Variants in ARID1B observed in about 807,000 individuals in gnomAD.
ARID1B encodes the protein AT-rich interaction domain 1B.
ARID1B carries 30 observed loss-of-function variants against 212.3 expected under a neutral mutation model. The ratio of observed to expected loss-of-function variants is 0.14; its 90% confidence interval spans 0.11 to 0.19. The LOEUF is 0.19. Ranked by LOEUF, ARID1B falls within the 10% of genes least tolerant of loss-of-function variation. The pLI, the probability that ARID1B is intolerant of heterozygous loss-of-function variation, is 1.00. For missense variants in ARID1B, 2,891 were observed against 3,204.0 expected (o/e 0.90, Z 2.36); for synonymous variants, 1,402 against 1,301.7 (o/e 1.08, Z -1.66).
chr6:157,127,803 A>C (rs886620230), intron 6 of ARID1B, among the ~76,000 whole-genome samples: 1 of 138,974 alleles, frequency 7.2e-6, no homozygotes, highest in Non-Finnish European at 1.5e-5. Flanking sequence ...AAAAAAAAAA[A>C]AAACAAAAAT....
At chr6:156,812,041 T>G (rs1781587337) in intron 1 of ARID1B, among the ~76,000 whole-genome samples, 1 of 152,268 alleles carries the variant, frequency 6.6e-6, no homozygotes, top group Admixed American at 6.5e-5. Context: ...TTGTGCTGTG[T>G]GTAAATCACC....
intron 1 of ARID1B, among the ~76,000 whole-genome samples, chr6:156,794,192 T>G (rs1265547820): frequency 6.6e-6 from 1 of 151,130 alleles, no homozygotes; most frequent in Non-Finnish European, 1.5e-5. Flanking sequence ...TGGTAACATT[T>G]AAAAAAAAAG....
At chr6:156,910,905 C>G (rs531823922) in intron 3 of ARID1B, among the ~76,000 whole-genome samples, 1 of 151,952 alleles carries the variant, frequency 6.6e-6, no homozygotes, top group Non-Finnish European at 1.5e-5. Context: ...ATGAGCTCTC[C>G]CCACACAAAA....
At chr6:156,793,263 A>G (rs1180817563) in intron 1 of ARID1B, among the ~76,000 whole-genome samples, 2 of 152,204 alleles carry the variant, frequency 1.3e-5, no homozygotes, top group African/African-American at 2.4e-5. Context: ...TGGTGCACAC[A>G]GTGAAGGAGA....
chr6:156,881,976 A>G (rs1291961074), intron 2 of ARID1B, among the ~76,000 whole-genome samples: 2 of 151,994 alleles, frequency 1.3e-5, no homozygotes, highest in African/African-American at 4.8e-5. Context: ...AAAATGTACT[A>G]ATTTATTTCA....
intron 7 of ARID1B, among the ~76,000 whole-genome samples, chr6:157,142,710 AC>A (rs1166173719): frequency 1.3e-5 from 2 of 152,260 alleles, no homozygotes; most frequent in Non-Finnish European, 2.9e-5. Flanking sequence ...ATCACTGGCT[AC>A]AAAACAAGAT....
At position 157,084,691 on chromosome 6, in the gene ARID1B, C is replaced by G. The variant is rs756195424; in HGVS notation, c.2277C>G (p.Pro759=). ...PDLSGSIDDL[P]TGTEATLSSA... is the part of the protein sequence containing the mutation. ...TGTCTGGCTCCATTGATGACCTCCC[C>G]ACGGGAACGGAAGCAACTTTGAGCT... Residue 759 remains proline (P), a synonymous_variant, in exon 5 of 20, where the codon CCC becomes CCG. Coordinates refer to ENST00000636930, the MANE Select transcript of ARID1B (RefSeq NM_001374828.1). 3 of 1,614,170 alleles carry G rather than the reference C, an allele frequency of 1.9e-6. No individual in the cohort carries two copies. The highest frequency in any genetic ancestry group is 2.5e-6 in the Non-Finnish European group (3 of 1,180,032).
At chr6:156,872,024 C>A (rs1288041448) in intron 2 of ARID1B, among the ~76,000 whole-genome samples, 1 of 152,148 alleles carries the variant, frequency 6.6e-6, no homozygotes, top group African/African-American at 2.4e-5. Context: ...TGAATATGTG[C>A]ATATATGATA....
intron 4 of ARID1B, among the ~76,000 whole-genome samples, chr6:157,028,964 T>A (rs1222694299): frequency 6.6e-6 from 1 of 152,252 alleles, no homozygotes; most frequent in Non-Finnish European, 1.5e-5. Context: ...TTATAAAATA[T>A]TTACTGTAGT....
At chr6:156,922,613 A>T (rs1790901355) in intron 3 of ARID1B, among the ~76,000 whole-genome samples, 1 of 152,206 alleles carries the variant, frequency 6.6e-6, no homozygotes, top group Admixed American at 6.5e-5. Flanking sequence ...ACAATGTTGA[A>T]TGTGGTTATT....
intron 4 of ARID1B, among the ~76,000 whole-genome samples, chr6:157,054,950 C>A (rs1782853177): frequency 1.3e-5 from 2 of 152,210 alleles, no homozygotes; most frequent in South Asian, 4.1e-4. Context: ...GATACATCAC[C>A]TGGTTCCATT....
chr6:157,187,915 G>A (rs1469620696), intron 13 of ARID1B, among the ~76,000 whole-genome samples: 3 of 151,950 alleles, frequency 2.0e-5, no homozygotes, highest in Non-Finnish European at 2.9e-5. Flanking sequence ...CCTGAATTTC[G>A]AAAGCAAGTC....
intron 5 of ARID1B, among the ~76,000 whole-genome samples, chr6:157,087,523 A>G (rs1353294069): frequency 1.3e-5 from 2 of 152,232 alleles, no homozygotes; most frequent in African/African-American, 4.8e-5. Flanking sequence ...GTACATGCGG[A>G]GCACTCAGTG....
rs143479891 is a variant in ARID1B, at chr6:156,950,731, T to C, written c.2247+15155T>C. Among the ~76,000 whole-genome samples, 1,488 of 152,296 alleles carry C rather than the reference T, an allele frequency of 9.8e-3. 11 individuals are homozygous for C. The highest frequency in any genetic ancestry group is 0.037 in the Middle Eastern group (11 of 294). The stretch of plus-strand genomic sequence containing the variant: ...GCTGTAAAGGTAACTGGGGAAGTTA[T>C]AGAGGAAATGACTATGACTTTACCG... On this transcript the variant is annotated intron_variant, in intron 4 of 19. Transcript: ENST00000636930.
intron 4 of ARID1B, chr6:156,936,766 GA>G (rs1188382797): frequency 6.6e-6 from 1 of 151,888 alleles, no homozygotes; most frequent in Non-Finnish European, 1.5e-5. Context: ...TTTGTTTTAA[GA>G]TGGGAATTCA....
chr6:156,818,176 T>C (rs1448580455), intron 1 of ARID1B, among the ~76,000 whole-genome samples: 3 of 148,844 alleles, frequency 2.0e-5, no homozygotes, highest in Non-Finnish European at 3.0e-5. Flanking sequence ...TTTTCTTTAA[T>C]GAAGCACATT....
chr6:156,783,491 A>G (rs1164215980), intron 1 of ARID1B, among the ~76,000 whole-genome samples: 1 of 152,120 alleles, frequency 6.6e-6, no homozygotes, highest in Non-Finnish European at 1.5e-5. Context: ...TTTCAGTTCT[A>G]TTTTTTATTA....
chr6:156,777,931 T>C lies in ARID1B; in HGVS notation c.251T>C (p.Met84Thr). ...CTGCTCCCCCGTCACGAACTCAACA[T>C]GGCCCATAACGCGGGCGCCGCGGCC... ...HPLLPRHELN[M>T]AHNAGAAAAA... The change falls in exon 1 of 20, where the codon ATG becomes ACG. Residue 84 changes from methionine to threonine, a missense_variant. Met to Thr is a moderately conservative substitution (Grantham distance 81). Transcript: ENST00000636930. 6.6e-7 allele frequency: 1 copy of C among 1,524,100 alleles called. No individual in the cohort carries two copies. The allele number at this position is 1,524,100 out of a possible 1,614,324, so 94.4% of individuals were successfully genotyped here.
At position 156,871,262 on chromosome 6, in the gene ARID1B, A is replaced by G. The variant is rs1020113213; in HGVS notation, c.1987-30114A>G. Reference sequence around the variant, plus strand: ...ATACTGTAGCTTACTTATCTTTTACATTTATCACCTCCTAGCTAGTACAGT... The same window carrying G: ...ATACTGTAGCTTACTTATCTTTTACGTTTATCACCTCCTAGCTAGTACAGT... On this transcript the variant is annotated intron_variant, in intron 2 of 19. Transcript: ENST00000636930. 2.0e-5 allele frequency among the ~76,000 whole-genome samples: 3 copies of G among 152,306 alleles called. No individual in the cohort carries two copies. In the South Asian group the frequency reaches 6.2e-4, roughly 32 times the overall value.
Sources: allele counts gnomAD v4.1 joint callset (sites outside exome capture counted in the v4.1 genomes callset), GRCh38; gene constraint gnomAD v4.1.1; transcripts MANE v1.5; gene names NCBI Gene and HGNC (gene_info 2026-07-23, HGNC 2026-07-21).